The following PRKAR1A variants were observed in gnomAD, a reference collection of about 807,000 sequenced individuals.
PRKAR1A encodes the protein cAMP-dependent protein kinase type I-alpha regulatory subunit.
Under a neutral mutation model 52.0 loss-of-function variants are expected in PRKAR1A, and 3 were observed. The observed-to-expected ratio is 0.06, with a 90% CI of 0.03 to 0.15. The LOEUF (loss-of-function observed/expected upper bound fraction) is 0.15. PRKAR1A is among the 10% of genes least tolerant of loss of function. The pLI, the probability that PRKAR1A is intolerant of heterozygous loss-of-function variation, is 1.00. For missense variants in PRKAR1A, 240 were observed against 477.4 expected (o/e 0.50, Z 4.63); for synonymous variants, 188 against 168.4 (o/e 1.12, Z -0.90).
intron 11 of PRKAR1A, chr17:68,539,339 G>A (rs2086191645): frequency 1.2e-6 from 2 of 1,614,220 alleles, no homozygotes; most frequent in African/African-American, 1.3e-5. Context: ...AAACTTACAT[G>A]CAGCACTGGG....
At chr17:68,524,100 A>G (rs1006648997) in intron 5 of PRKAR1A, 23 bp downstream of exon 5, 23 of 1,612,112 alleles carry the variant, frequency 1.4e-5, no homozygotes, top group African/African-American at 8.0e-5. Context: ...GGAGCATGCA[A>G]TATTGTTACG....
chr17:68,414,998 A>G, the PRKAR1A span, among the ~76,000 whole-genome samples: 1 of 152,034 alleles, frequency 6.6e-6, no homozygotes, highest in Non-Finnish European at 1.5e-5. Flanking sequence ...TGTTTCATTT[A>G]TCTTTTTTAT....
chr17:68,524,365 C>T (rs964216516), intron 5 of PRKAR1A, among the ~76,000 whole-genome samples: 1 of 152,078 alleles, frequency 6.6e-6, no homozygotes, highest in African/African-American at 2.4e-5. Context: ...TCATATATAT[C>T]TCTCATGTTC....
chr17:68,454,219 C>T, the PRKAR1A span, among the ~76,000 whole-genome samples: 1 of 152,140 alleles, frequency 6.6e-6, no homozygotes. Context: ...CCAGCTGTGC[C>T]CTCCGCACCT....
chr17:68,436,993 C>CA, the PRKAR1A span, among the ~76,000 whole-genome samples: 110 of 124,748 alleles, frequency 8.8e-4, 1 homozygote, highest in East Asian at 8.0e-3. Flanking sequence ...GACCCCGTCT[C>CA]AAAAAAAAAA....
chr17:68,539,098 T>C (rs1338065208), intron 11 of PRKAR1A, among the ~76,000 whole-genome samples: 1 of 152,222 alleles, frequency 6.6e-6, no homozygotes, highest in African/African-American at 2.4e-5. Flanking sequence ...AGTAAAACTG[T>C]AAAATGCAGT....
the PRKAR1A span, chr17:68,450,806 C>T: frequency 6.2e-7 from 1 of 1,614,066 alleles, no homozygotes; most frequent in East Asian, 2.2e-5. Flanking sequence ...TGAAGTGATA[C>T]ACGTTCATCT....
At chr17:68,537,805 CT>C (rs1277412464), downstream of PRKAR1A, 1 of 1,539,698 alleles carries the variant, frequency 6.5e-7, no homozygotes, top group Non-Finnish European at 8.8e-7. The surrounding 1 kb of genome is among the most constrained non-coding windows in gnomAD (Gnocchi z 4.2). Context: ...GCCTGAACTT[CT>C]TTCCCCACAA....
At chr17:68,470,164 C>A in the PRKAR1A span, among the ~76,000 whole-genome samples, 1 of 151,512 alleles carries the variant, frequency 6.6e-6, no homozygotes, top group Non-Finnish European at 1.5e-5. Flanking sequence ...CTCACTGCAA[C>A]CTCCATCTCC....
chr17:68,511,253 T>A (rs1411166237), upstream of PRKAR1A, among the ~76,000 whole-genome samples: 1 of 152,186 alleles, frequency 6.6e-6, no homozygotes, highest in Non-Finnish European at 1.5e-5. Flanking sequence ...TAGAAATATA[T>A]ACAATGCTAC....
Position 68,532,162 on chromosome 17 carries a change from G to T in PRKAR1A, c.*1713G>T. 9.5e-7 allele frequency: 1 copy of T among 1,050,080 alleles called. No homozygotes were observed. Among genetic ancestry groups the T allele is most frequent in the Non-Finnish European group, 1.2e-6 (1 of 865,500 alleles). 65.0% of individuals were successfully genotyped at this position (1,050,080 alleles called of 1,614,324 possible). ...CCAAAATAATCTATATTAAATGAGGGTTTCTGATCTGTACTTTGTGTTTAG... is the reference window on the plus strand; with the variant it reads ...CCAAAATAATCTATATTAAATGAGGTTTTCTGATCTGTACTTTGTGTTTAG... On this transcript the variant is annotated 3_prime_UTR_variant, in exon 11 of 11. Transcript: ENST00000589228.
At chr17:68,500,095 A>T in the PRKAR1A span, among the ~76,000 whole-genome samples, 3 of 152,238 alleles carry the variant, frequency 2.0e-5, no homozygotes, top group Admixed American at 1.3e-4. Context: ...GAATTTATTG[A>T]TTATATACTG....
intron 11 of PRKAR1A, chr17:68,542,044 G>A: frequency 1.2e-6 from 2 of 1,614,152 alleles, no homozygotes; most frequent in Non-Finnish European, 1.7e-6. Context: ...ACAGCCTGGG[G>A]GCCAGGTTGA....
At chr17:68,480,393 A>G in the PRKAR1A span, among the ~76,000 whole-genome samples, 3 of 152,066 alleles carry the variant, frequency 2.0e-5, no homozygotes, top group African/African-American at 7.2e-5. Context: ...CAGGGATATC[A>G]TTATCCCGGG....
chr17:68,532,778 G>C lies in PRKAR1A; in HGVS notation c.*2329G>C, dbSNP rs933797053. 2 of 1,066,356 alleles carry C rather than the reference G, an allele frequency of 1.9e-6. No individual in the cohort carries two copies. Among genetic ancestry groups the C allele is most frequent in the Non-Finnish European group, 2.3e-6 (2 of 879,772 alleles). The allele number at this position is 1,066,356 out of a possible 1,614,324, so 66.1% of individuals were successfully genotyped here. A position where few individuals can be genotyped will look rare whatever the true frequency, so the allele number is the denominator to read the frequency against. ...ATAATTTAAATTCTTAAATGAATCAGTTTTTCTTCCCTTTCTCCTTTCCGT... is the reference window on the plus strand; with the variant it reads ...ATAATTTAAATTCTTAAATGAATCACTTTTTCTTCCCTTTCTCCTTTCCGT... On this transcript the variant is annotated 3_prime_UTR_variant, in exon 11 of 11. Coordinates refer to ENST00000589228, the MANE Select transcript of PRKAR1A (RefSeq NM_002734.5).
downstream of PRKAR1A, chr17:68,536,160 T>C (rs532126913): frequency 7.0e-5 from 32 of 454,140 alleles, no homozygotes; most frequent in Non-Finnish European, 1.1e-4. Flanking sequence ...GTCGAGGCTA[T>C]CTTTGCTCAC....
chr17:68,445,218 C>A, the PRKAR1A span, among the ~76,000 whole-genome samples: 1 of 152,188 alleles, frequency 6.6e-6, no homozygotes, highest in Non-Finnish European at 1.5e-5. Context: ...CCGCGTTCAA[C>A]AGGACTTCTG....
At chr17:68,421,462 T>C in the PRKAR1A span, 2 of 364,776 alleles carry the variant, frequency 5.5e-6, no homozygotes, top group Non-Finnish European at 1.0e-5. Context: ...ACGGCATATA[T>C]TTAAAAAGGA....
chr17:68,458,524 T>G, the PRKAR1A span, among the ~76,000 whole-genome samples: 1 of 152,162 alleles, frequency 6.6e-6, no homozygotes, highest in African/African-American at 2.4e-5. Context: ...GCACAAAGTA[T>G]CTAAACAAGA....
Sources: gnomAD v4.1 joint callset for allele counts (sites outside exome capture counted in the v4.1 genomes callset) on GRCh38, gnomAD v4.1.1 for gene constraint, Gnocchi (gnomAD v3.1) non-coding constraint, MANE v1.5 for transcripts, NCBI Gene and HGNC (gene_info 2026-07-23, HGNC 2026-07-21) for gene names.